The following LPXN variants were observed in gnomAD, a reference collection of about 807,000 sequenced individuals.
LPXN encodes leupaxin.
LPXN carries 28 observed loss-of-function variants against 45.6 expected under a neutral mutation model. The observed-to-expected ratio is 0.61, with a 90% CI of 0.45 to 0.84. LPXN has a LOEUF of 0.84. Ranked by LOEUF, LPXN falls within the 40% of genes least tolerant of loss-of-function variation. The probability of loss-of-function intolerance (pLI) is 0.00; values close to 1 mark genes in which losing one functional copy is unlikely to be tolerated. For missense variants in LPXN, 459 were observed against 475.0 expected (o/e 0.97, Z 0.31); for synonymous variants, 166 against 169.9 (o/e 0.98, Z 0.18).
chr11:58,575,203 A>T (rs1854844803), intron 1 of LPXN, among the ~76,000 whole-genome samples: 1 of 152,210 alleles, frequency 6.6e-6, no homozygotes, highest in Non-Finnish European at 1.5e-5. Flanking sequence ...CTTCTGAATA[A>T]AAAGCTTAGC....
rs142684375 is a variant in LPXN, at chr11:58,570,829, A to G, written c.14-116T>C. 1,338 of 690,304 alleles carry G rather than the reference A, an allele frequency of 1.9e-3. 17 individuals carry two copies. The African/African-American group carries it at 0.021, about 11-fold the overall frequency. 42.8% of individuals were successfully genotyped at this position (690,304 alleles called of 1,614,324 possible). A position where few individuals can be genotyped will look rare whatever the true frequency, so the allele number is the denominator to read the frequency against. Reference sequence around the variant, plus strand: ...CATCTCCTTTTCTTCAATTATGGCTATTTTCAAATACTTTCCCTTATTCCT... The same window carrying G: ...CATCTCCTTTTCTTCAATTATGGCTGTTTTCAAATACTTTCCCTTATTCCT... On this transcript the variant is annotated intron_variant, in intron 1 of 8. Transcript: ENST00000395074.
chr11:58,530,045 C>G (rs1853341468), intron 7 of LPXN, among the ~76,000 whole-genome samples: 3 of 152,248 alleles, frequency 2.0e-5, no homozygotes, highest in South Asian at 4.1e-4. Flanking sequence ...AAACCGCAGA[C>G]CTGGAGATTC....
chr11:58,538,756 A>T (rs1800545968), intron 7 of LPXN, among the ~76,000 whole-genome samples: 1 of 151,790 alleles, frequency 6.6e-6, no homozygotes, highest in African/African-American at 2.4e-5. Context: ...CTTAAAATAT[A>T]CAATAAAATA....
In LPXN at chr11:58,575,431, G is replaced by C. The variant is rs1190473221; in HGVS notation, c.13+329C>G. ...ATTGTCTCGCTATGTGGCCACCCTT[G>C]ATCTCCAGTGACCTCCAAAGGGCAA... is the stretch of plus-strand genomic sequence containing the variant. On this transcript the variant is annotated intron_variant, in intron 1 of 8. Coordinates refer to ENST00000395074, the MANE Select transcript of LPXN (RefSeq NM_004811.3). Among the ~76,000 whole-genome samples, 3 of 151,930 alleles carry C rather than the reference G, an allele frequency of 2.0e-5. No individual in the cohort carries two copies. The East Asian group carries it at 5.8e-4, about 29-fold the overall frequency.
At chr11:58,549,177 C>A (rs1262492520) in intron 7 of LPXN, among the ~76,000 whole-genome samples, 1 of 152,132 alleles carries the variant, frequency 6.6e-6, no homozygotes, top group African/African-American at 2.4e-5. Context: ...GGGCGGATCA[C>A]GAGGTCAGGA....
chr11:58,548,741 A>T (rs1282596886), intron 7 of LPXN, among the ~76,000 whole-genome samples: 1 of 152,180 alleles, frequency 6.6e-6, no homozygotes, highest in African/African-American at 2.4e-5. Context: ...TTTCATTAGG[A>T]CTATTTTACT....
chr11:58,535,302 A>G (rs1399731303), intron 7 of LPXN, among the ~76,000 whole-genome samples: 2 of 152,220 alleles, frequency 1.3e-5, no homozygotes, highest in Non-Finnish European at 1.5e-5. Flanking sequence ...ATCCAGCAGC[A>G]TATCAAAAAG....
chr11:58,556,665 G>C (rs1854212824), intron 3 of LPXN, among the ~76,000 whole-genome samples: 1 of 152,014 alleles, frequency 6.6e-6, no homozygotes, highest in African/African-American at 2.4e-5. Context: ...AAAGATCAGG[G>C]TGGTGATTAG....
chr11:58,567,490 C>T (rs1456696755), intron 2 of LPXN, among the ~76,000 whole-genome samples: 1 of 152,158 alleles, frequency 6.6e-6, no homozygotes, highest in Non-Finnish European at 1.5e-5. Context: ...TACCAGTTTA[C>T]TTACAAGTAC....
intron 7 of LPXN, among the ~76,000 whole-genome samples, chr11:58,548,036 A>G (rs1193725520): frequency 6.6e-6 from 1 of 152,332 alleles, no homozygotes; most frequent in East Asian, 1.9e-4. Flanking sequence ...GAAAGGATCA[A>G]GGATAAAAAA....
rs1854034618 is a variant in LPXN at position 58,551,082 on chromosome 11, T to G, written c.469A>C (p.Lys157Gln). 2 of 1,576,198 alleles carry G rather than the reference T, an allele frequency of 1.3e-6. No homozygotes were observed. The highest frequency in any genetic ancestry group is 3.7e-5 in the Admixed American group (2 of 53,394). ...VPKGHCASCQ[K>Q]PIAGKVIHAL... is the part of the protein sequence containing the mutation. ...CATCTCACCTTCCCAGCAATCGGTT[T>G]CTGGCAGGATGCACAATGGCCCTTG... The change falls in exon 5 of 9, where the codon AAA becomes CAA. Residue 157 changes from lysine to glutamine, a missense_variant. Lys to Gln is a moderately conservative substitution (Grantham distance 53, BLOSUM62 1). Coordinates refer to ENST00000395074, the MANE Select transcript of LPXN (RefSeq NM_004811.3).
chr11:58,548,282 C>T (rs1321381672), intron 7 of LPXN, among the ~76,000 whole-genome samples: 1 of 151,790 alleles, frequency 6.6e-6, no homozygotes, highest in Non-Finnish European at 1.5e-5. Context: ...AGACATGGGA[C>T]CCAGGAAACA....
chr11:58,564,330 T>C, intron 2 of LPXN, 129 bp from the exon 3 acceptor site: 1 of 659,636 alleles, frequency 1.5e-6, no homozygotes, highest in Admixed American at 3.2e-5. Flanking sequence ...GGCATATCTA[T>C]GAGCTCTTCT....
upstream of LPXN, chr11:58,575,858 G>C: frequency 5.6e-6 from 9 of 1,613,736 alleles, no homozygotes; most frequent in Middle Eastern, 6.6e-4. Flanking sequence ...AAAGGAACTG[G>C]ATGAGACAGC....
chr11:58,575,630 G>T, intron 1 of LPXN, 130 bp downstream of exon 1: 1 of 1,061,096 alleles, frequency 9.4e-7, no homozygotes, highest in Non-Finnish European at 1.5e-6. Flanking sequence ...CAGGGCTGAG[G>T]ACAGGAAAGA....
chr11:58,530,356 G>C (rs1853351017), intron 7 of LPXN, among the ~76,000 whole-genome samples: 1 of 152,172 alleles, frequency 6.6e-6, no homozygotes, highest in Non-Finnish European at 1.5e-5. Flanking sequence ...ACTAGAATTT[G>C]GTGGAGGGAG....
At chr11:58,537,059 G>C (rs897720408) in intron 7 of LPXN, among the ~76,000 whole-genome samples, 3 of 149,286 alleles carry the variant, frequency 2.0e-5, no homozygotes, top group Non-Finnish European at 4.5e-5. Context: ...TTACACTGTT[G>C]GTGGGAGTGT....
intron 4 of LPXN, among the ~76,000 whole-genome samples, chr11:58,553,068 G>A (rs977005551): frequency 2.0e-5 from 3 of 152,114 alleles, no homozygotes; most frequent in Non-Finnish European, 4.4e-5. Flanking sequence ...GGGCACAGTG[G>A]TTCATGCCTG....
intron 7 of LPXN, among the ~76,000 whole-genome samples, chr11:58,530,787 A>G (rs1366736569): frequency 6.6e-6 from 1 of 152,136 alleles, no homozygotes; most frequent in East Asian, 1.9e-4. Flanking sequence ...GCTAACTGAC[A>G]CCTCATACAG....
Sources: allele counts gnomAD v4.1 joint callset (sites outside exome capture counted in the v4.1 genomes callset), GRCh38; gene constraint gnomAD v4.1.1; transcripts MANE v1.5; gene names NCBI Gene and HGNC (gene_info 2026-07-23, HGNC 2026-07-21).